Variants in BMPR1B observed in about 807,000 individuals in gnomAD.
The protein encoded by BMPR1B is bone morphogenetic protein receptor type 1B.
A neutral mutation model predicts 59.1 loss-of-function variants in BMPR1B; 12 were observed. The ratio of observed to expected loss-of-function variants is 0.20; its 90% CI spans 0.13 to 0.33. The LOEUF (loss-of-function observed/expected upper bound fraction) is 0.33. Among genes scored for constraint, BMPR1B ranks in the 10% least tolerant of loss-of-function variants. BMPR1B has a pLI of 1.00. For synonymous variants in BMPR1B, 237 were observed against 207.3 expected (o/e 1.14, Z -1.23); for missense variants, 550 against 610.9 (o/e 0.90, Z 1.05).
intron 2 of BMPR1B, among the ~76,000 whole-genome samples, chr4:94,908,365 C>T (rs982336337): frequency 6.6e-6 from 1 of 151,440 alleles, no homozygotes; most frequent in African/African-American, 2.4e-5. Flanking sequence ...ATTCAGTAAG[C>T]ATTGTTTAAA....
At chr4:95,031,466 G>T (rs527827298) in intron 3 of BMPR1B, among the ~76,000 whole-genome samples, 10 of 151,944 alleles carry the variant, frequency 6.6e-5, no homozygotes, top group Non-Finnish European at 1.3e-4. Context: ...TATTTTTTTT[G>T]AGACAGGGTC....
intron 1 of BMPR1B, among the ~76,000 whole-genome samples, chr4:94,849,346 A>G (rs2148945184): frequency 6.6e-6 from 1 of 152,256 alleles, no homozygotes; most frequent in Admixed American, 6.5e-5. Context: ...GGTGCCCTTG[A>G]CAAAAGCAAG....
intron 2 of BMPR1B, among the ~76,000 whole-genome samples, chr4:94,969,209 G>T (rs1230950673): frequency 1.3e-5 from 2 of 151,920 alleles, no homozygotes; most frequent in African/African-American, 4.8e-5. Flanking sequence ...TAATTTTTTT[G>T]TATTTTTAGT....
chr4:95,035,177 A>G (rs1725149562), intron 3 of BMPR1B, among the ~76,000 whole-genome samples: 1 of 152,002 alleles, frequency 6.6e-6, no homozygotes, highest in Non-Finnish European at 1.5e-5. Context: ...TCTGGATGTT[A>G]GTCCTTTGTC....
chr4:94,810,077 A>G (rs1463304736), intron 1 of BMPR1B, among the ~76,000 whole-genome samples: 5 of 152,204 alleles, frequency 3.3e-5, no homozygotes, highest in East Asian at 3.8e-4. Context: ...TTTGTTTCAT[A>G]TTTACTCTCA....
intron 1 of BMPR1B, among the ~76,000 whole-genome samples, chr4:94,758,622 G>T (rs572921596): frequency 6.6e-6 from 1 of 152,098 alleles, no homozygotes; most frequent in African/African-American, 2.4e-5. Flanking sequence ...GGGAAAGTGC[G>T]CAGCGGGCTG....
intron 10 of BMPR1B, among the ~76,000 whole-genome samples, chr4:95,141,443 C>T (rs1328333200): frequency 6.6e-6 from 1 of 152,078 alleles, no homozygotes; most frequent in Non-Finnish European, 1.5e-5. Flanking sequence ...TGAAAGGCTC[C>T]CAGGGAAGTC....
chr4:94,932,244 C>T (rs998688293), intron 2 of BMPR1B, among the ~76,000 whole-genome samples: 1 of 152,078 alleles, frequency 6.6e-6, no homozygotes, highest in African/African-American at 2.4e-5. Flanking sequence ...CAGAGGAGTT[C>T]CATTTACTTT....
chr4:95,077,415 G>T (rs552460750), intron 3 of BMPR1B, among the ~76,000 whole-genome samples: 1 of 152,192 alleles, frequency 6.6e-6, no homozygotes, highest in African/African-American at 2.4e-5. Context: ...TGTGAAAGCT[G>T]TTAGAACAGT....
intron 2 of BMPR1B, among the ~76,000 whole-genome samples, chr4:94,950,860 A>T (rs1036114128): frequency 7.2e-5 from 11 of 152,150 alleles, no homozygotes; most frequent in Non-Finnish European, 1.3e-4. Context: ...AATAGAATTG[A>T]ATCTATAAAT....
chr4:94,953,397 A>C (rs1237569621), intron 2 of BMPR1B, among the ~76,000 whole-genome samples: 1 of 152,106 alleles, frequency 6.6e-6, no homozygotes, highest in Non-Finnish European at 1.5e-5. Flanking sequence ...AGTGGCTGGT[A>C]CCGGTTTTTC....
intron 3 of BMPR1B, among the ~76,000 whole-genome samples, chr4:95,093,327 C>T (rs2149251222): frequency 6.6e-6 from 1 of 151,874 alleles, no homozygotes; most frequent in East Asian, 1.9e-4. Context: ...CAGAGTAAAA[C>T]CTAAGGGAAA....
At chr4:94,875,640 C>T (rs555695850) in intron 1 of BMPR1B, among the ~76,000 whole-genome samples, 191 bp from the exon 2 acceptor site, 3 of 152,242 alleles carry the variant, frequency 2.0e-5, no homozygotes, top group East Asian at 1.9e-4. Flanking sequence ...GCCAAGATCG[C>T]GCCGCTGCAC....
intron 3 of BMPR1B, among the ~76,000 whole-genome samples, chr4:95,061,121 C>G (rs952805094): frequency 1.3e-5 from 2 of 150,100 alleles, no homozygotes; most frequent in Non-Finnish European, 3.0e-5. Context: ...TCAGAGAGCT[C>G]CTGTGTTCAC....
intron 1 of BMPR1B, among the ~76,000 whole-genome samples, chr4:94,813,045 C>T (rs1003594773): frequency 3.4e-5 from 5 of 146,504 alleles, no homozygotes; most frequent in Non-Finnish European, 6.0e-5. Flanking sequence ...AACCATTGTT[C>T]TAATTTTATT....
intron 3 of BMPR1B, among the ~76,000 whole-genome samples, chr4:95,074,149 C>G (rs979137923): frequency 3.3e-5 from 5 of 151,564 alleles, no homozygotes; most frequent in Admixed American, 6.6e-5. Flanking sequence ...ACTGAAGATA[C>G]TTGGAAATCC....
intron 3 of BMPR1B, chr4:95,051,831 C>T (rs1466858640): frequency 1.5e-5 from 23 of 1,493,468 alleles, no homozygotes; most frequent in Admixed American, 2.0e-5. Flanking sequence ...AGTCTGATTT[C>T]GTGGCTTTTA....
intron 2 of BMPR1B, among the ~76,000 whole-genome samples, chr4:94,926,075 TCTCCCTCC>T (rs1728879998): frequency 5.5e-5 from 2 of 36,584 alleles, no homozygotes; most frequent in African/African-American, 3.1e-4. Flanking sequence ...ATCCCTCCCG[TCTCCCTCC>T]CCTTCTCTCC....
chr4:94,946,920 C>T (rs569871142), intron 2 of BMPR1B, among the ~76,000 whole-genome samples: 3 of 152,054 alleles, frequency 2.0e-5, no homozygotes, highest in Non-Finnish European at 2.9e-5. Context: ...GGTGTGGTGG[C>T]GAGCACCTGT....
Sources: gnomAD v4.1 joint callset for allele counts (sites outside exome capture counted in the v4.1 genomes callset) on GRCh38, gnomAD v4.1.1 for gene constraint, MANE v1.5 for transcripts, NCBI Gene and HGNC (gene_info 2026-07-23, HGNC 2026-07-21) for gene names.